SLC12A1: variants seen among roughly 807,000 people sequenced by gnomAD.
SLC12A1 encodes the protein Na-K-2Cl cotransporter.
In SLC12A1, 89 loss-of-function variants were observed where a neutral mutation model predicts 130.4. The ratio of observed to expected loss-of-function variants is 0.68; its 90% CI spans 0.58 to 0.81. The LOEUF is 0.81. SLC12A1 is among the 40% of genes least tolerant of loss of function. The pLI, the probability that SLC12A1 is intolerant of heterozygous loss-of-function variation, is 0.00. For missense variants in SLC12A1, 1,310 were observed against 1,336.4 expected (o/e 0.98, Z 0.31); for synonymous variants, 499 against 460.0 (o/e 1.08, Z -1.09).
In SLC12A1 at chr15:48,301,307, G is replaced by C; in HGVS notation, c.3097-8G>C. ...ACTGTACTCAACAAATCTGAATGTT[G>C]CCCACAGAGTTACCGCCAAGTTCGA... On this transcript the variant is annotated splice_region_variant and splice_polypyrimidine_tract_variant and intron_variant, in intron 25 of 26. Coordinates refer to ENST00000380993, the MANE Select transcript of SLC12A1 (RefSeq NM_000338.3). The C allele has an allele frequency of 6.3e-7, 1 of 1,591,846 alleles. No homozygotes were observed. Among genetic ancestry groups the C allele is most frequent in the Non-Finnish European group, 8.6e-7 (1 of 1,166,530 alleles).
At chr15:48,214,055 T>C (rs1237832771) in intron 2 of SLC12A1, among the ~76,000 whole-genome samples, 2 of 152,140 alleles carry the variant, frequency 1.3e-5, no homozygotes, top group Admixed American at 6.5e-5. Context: ...ATATCTGAAA[T>C]TAGAAATAAT....
At chr15:48,234,648 G>A (rs1273105719) in intron 8 of SLC12A1, among the ~76,000 whole-genome samples, 2 of 152,084 alleles carry the variant, frequency 1.3e-5, no homozygotes, top group African/African-American at 2.4e-5. Flanking sequence ...CGGGGGCCGA[G>A]GCAGGAGAAT....
At chr15:48,246,755 G>C (rs1041738509) in intron 11 of SLC12A1, among the ~76,000 whole-genome samples, 154 bp from the exon 12 acceptor site, 1 of 151,188 alleles carries the variant, frequency 6.6e-6, no homozygotes, top group African/African-American at 2.4e-5. Context: ...ACTCCAGCCT[G>C]GGCGATAGAG....
intron 13 of SLC12A1, among the ~76,000 whole-genome samples, chr15:48,247,809 T>C (rs1200187078): frequency 6.6e-6 from 1 of 152,196 alleles, no homozygotes; most frequent in Admixed American, 6.5e-5. Flanking sequence ...CCTGTTAGTG[T>C]TTCTGGAAAT....
At chr15:48,265,532 A>C (rs1192368468) in intron 17 of SLC12A1, among the ~76,000 whole-genome samples, 3 of 152,196 alleles carry the variant, frequency 2.0e-5, no homozygotes, top group Non-Finnish European at 4.4e-5. Context: ...GTGATTCAAA[A>C]TGCATTGACA....
intron 15 of SLC12A1, among the ~76,000 whole-genome samples, chr15:48,253,548 C>T (rs375933806): frequency 1.4e-3 from 214 of 152,322 alleles, no homozygotes; most frequent in African/African-American, 4.7e-3. Flanking sequence ...GAGTAGTATT[C>T]TATTGTATGA....
chr15:48,231,990 G>A (rs190092302), intron 7 of SLC12A1, among the ~76,000 whole-genome samples: 8 of 152,234 alleles, frequency 5.3e-5, no homozygotes, highest in Non-Finnish European at 1.0e-4. Flanking sequence ...CAGCCTGGGC[G>A]ACAGAGTGAG....
intron 20 of SLC12A1, among the ~76,000 whole-genome samples, chr15:48,276,277 T>C (rs1312233625): frequency 6.6e-6 from 1 of 152,186 alleles, no homozygotes; most frequent in East Asian, 1.9e-4. Flanking sequence ...TAGACAGTCC[T>C]CATCATAAAA....
Position 48,251,604 on chromosome 15 carries a change from TTTG to T in SLC12A1, c.1787-8_1787-6del. The T allele has an allele frequency of 6.2e-7, 1 of 1,611,016 alleles. No individual in the cohort carries two copies. Among genetic ancestry groups the T allele is most frequent in the Non-Finnish European group, 8.5e-7 (1 of 1,177,184 alleles). On this transcript the variant is annotated splice_region_variant and splice_polypyrimidine_tract_variant and intron_variant, in intron 14 of 26. Transcript: ENST00000380993. ...GAGTGGAAGTTTTCCTTCTGCATAT[TTTG>T]TTTTCAGGATGGAGACCTGCGTATG...
chr15:48,241,606 G>A lies in SLC12A1; in HGVS notation c.1300+7G>A. On this transcript the variant is annotated splice_region_variant and intron_variant, in intron 10 of 26. Coordinates refer to ENST00000380993, the MANE Select transcript of SLC12A1 (RefSeq NM_000338.3). Reference sequence around the variant, plus strand: ...GGGGTTGCAATTTGTGTAGGTAAGTGGTACGTCTCCAGTGTCAGAATGTCA... The same window carrying A: ...GGGGTTGCAATTTGTGTAGGTAAGTAGTACGTCTCCAGTGTCAGAATGTCA... The A allele has an allele frequency of 1.9e-6, 3 of 1,602,678 alleles. No individual in the cohort carries two copies. Among genetic ancestry groups the A allele is most frequent in the Non-Finnish European group, 2.6e-6 (3 of 1,169,684 alleles).
intron 2 of SLC12A1, among the ~76,000 whole-genome samples, chr15:48,211,887 G>A (rs1276313814): frequency 3.9e-5 from 6 of 152,130 alleles, no homozygotes; most frequent in East Asian, 1.9e-4. Context: ...ACTTGAGATC[G>A]TAATTGAAGA....
intron 20 of SLC12A1, among the ~76,000 whole-genome samples, chr15:48,278,629 C>T (rs150212540): frequency 6.6e-6 from 1 of 152,300 alleles, no homozygotes; most frequent in East Asian, 1.9e-4. Context: ...ATTACAAGAA[C>T]TTAGTATTAA....
intron 11 of SLC12A1, among the ~76,000 whole-genome samples, chr15:48,245,313 T>A (rs1490008300): frequency 3.3e-5 from 5 of 152,176 alleles, no homozygotes; most frequent in Non-Finnish European, 7.3e-5. Context: ...GTGTATTGTG[T>A]GATTCTGAGA....
chr15:48,242,361 G>A (rs949950905), intron 10 of SLC12A1, among the ~76,000 whole-genome samples: 7 of 152,172 alleles, frequency 4.6e-5, no homozygotes, highest in African/African-American at 1.7e-4. Context: ...GGAAGCCAAA[G>A]GGTACATCCC....
chr15:48,222,493 T>C (rs1032379339), intron 4 of SLC12A1: 5 of 151,890 alleles, frequency 3.3e-5, no homozygotes, highest in South Asian at 2.1e-4. Context: ...TTAATAAAGA[T>C]CTTTATATTG....
chr15:48,209,614 A>T (rs543417670), intron 2 of SLC12A1, among the ~76,000 whole-genome samples: 2 of 152,242 alleles, frequency 1.3e-5, no homozygotes, highest in East Asian at 1.9e-4. Context: ...TTCCTTCAAT[A>T]TTTTTTTAAA....
intron 11 of SLC12A1, among the ~76,000 whole-genome samples, chr15:48,246,379 A>G (rs1013472003): frequency 5.3e-5 from 8 of 152,132 alleles, no homozygotes; most frequent in Non-Finnish European, 1.0e-4. Flanking sequence ...CCTTGAAACC[A>G]TTTCCTTCTT....
Position 48,229,181 on chromosome 15 carries a change from TG to T in SLC12A1, c.725-7del. 1 of 1,582,176 alleles carries T rather than the reference TG, an allele frequency of 6.3e-7. No homozygotes were observed. Among genetic ancestry groups the T allele is most frequent in the Non-Finnish European group, 8.6e-7 (1 of 1,162,794 alleles). ...CTCAATGTGAAGTATGTTCATTTCT[TG>T]TTTCAGGTGGGGCCTACTATCTTAT... On this transcript the variant is annotated splice_polypyrimidine_tract_variant and splice_region_variant and intron_variant, in intron 5 of 26. Transcript: ENST00000380993.
In SLC12A1 at chr15:48,288,068, G is replaced by C; in HGVS notation, c.2655G>C (p.Ser885=). 1 of 1,610,950 alleles carries C rather than the reference G, an allele frequency of 6.2e-7. No individual in the cohort carries two copies. Among genetic ancestry groups the C allele is most frequent in the Non-Finnish European group, 8.5e-7 (1 of 1,178,628 alleles). ...KKDGSINTSQ[S]MHVGEFNQKL... ...ATGGCAGCATTAACACAAGCCAGTC[G>C]ATGCATGTGGGAGAGTTCAACCAGA... Residue 885 remains serine (S), a synonymous_variant, in exon 22 of 27, where the codon TCG becomes TCC. Transcript: ENST00000380993.
Sources: allele counts gnomAD v4.1 joint callset (sites outside exome capture counted in the v4.1 genomes callset), GRCh38; gene constraint gnomAD v4.1.1; transcripts MANE v1.5; gene names NCBI Gene and HGNC (gene_info 2026-07-23, HGNC 2026-07-21).